The following CALN1 variants were observed in gnomAD, a reference collection of about 807,000 sequenced individuals.
CALN1 encodes the protein calneuron 1, also known as calcium-binding protein 8.
In CALN1, 17 loss-of-function variants were observed where a neutral mutation model predicts 30.6. The observed-to-expected ratio is 0.56, with a 90% CI of 0.38 to 0.83. The LOEUF (loss-of-function observed/expected upper bound fraction) is 0.83. Among genes scored for constraint, CALN1 ranks in the 40% least tolerant of loss-of-function variants. CALN1 has a pLI of 0.00. For synonymous variants in CALN1, 156 were observed against 131.4 expected, an observed-to-expected ratio of 1.19 and a Z score of -1.28; for missense variants, 291 against 354.9, an observed-to-expected ratio of 0.82 and a Z score of 1.45.
At chr7:72,002,070 A>G (rs1387863244) in intron 5 of CALN1, among the ~76,000 whole-genome samples, 1 of 152,214 alleles carries the variant, frequency 6.6e-6, no homozygotes, top group Non-Finnish European at 1.5e-5. Flanking sequence ...AAAATTCTAC[A>G]GCTAATGTGA....
chr7:71,984,269 G>C (rs983948735), intron 5 of CALN1, among the ~76,000 whole-genome samples: 1 of 152,176 alleles, frequency 6.6e-6, no homozygotes. Flanking sequence ...CCATTTAAAT[G>C]AGAAGGCCAA....
chr7:72,120,231 C>T (rs1388277954), intron 3 of CALN1, among the ~76,000 whole-genome samples: 3 of 152,152 alleles, frequency 2.0e-5, no homozygotes, highest in Non-Finnish European at 4.4e-5. Context: ...ATAACCATTA[C>T]TAACATATTA....
intron 2 of CALN1, among the ~76,000 whole-genome samples, chr7:72,379,898 C>T (rs1454590894): frequency 6.6e-6 from 1 of 152,184 alleles, no homozygotes; most frequent in Non-Finnish European, 1.5e-5. Flanking sequence ...TTGGAGACTG[C>T]TGGCATCACA....
chr7:72,123,014 T>G (rs1040879105), intron 3 of CALN1, among the ~76,000 whole-genome samples: 1 of 152,220 alleles, frequency 6.6e-6, no homozygotes, highest in African/African-American at 2.4e-5. Flanking sequence ...GGAGAGAGAC[T>G]GGGCTCAACT....
chr7:71,796,810 C>T (rs188048061), intron 6 of CALN1, among the ~76,000 whole-genome samples: 5 of 152,200 alleles, frequency 3.3e-5, no homozygotes, highest in East Asian at 1.9e-4. Flanking sequence ...GGGAATGAAA[C>T]GTGAGTTGAG....
intron 3 of CALN1, among the ~76,000 whole-genome samples, chr7:72,219,803 AG>A (rs1260087737): frequency 1.3e-5 from 2 of 152,096 alleles, no homozygotes; most frequent in African/African-American, 4.8e-5. Flanking sequence ...CTATGCAAAT[AG>A]GAGACATTTC....
At chr7:72,474,945 T>C in the CALN1 span, among the ~76,000 whole-genome samples, 1 of 152,190 alleles carries the variant, frequency 6.6e-6, no homozygotes, top group Non-Finnish European at 1.5e-5. Flanking sequence ...GGATTACTTC[T>C]GTGCTTACTT....
intron 3 of CALN1, among the ~76,000 whole-genome samples, chr7:72,249,563 A>G (rs1282545964): frequency 1.5e-5 from 2 of 132,182 alleles, no homozygotes; most frequent in East Asian, 2.0e-4. Context: ...AGCCTTTGGG[A>G]GGCTGAGGCA....
intron 3 of CALN1, among the ~76,000 whole-genome samples, chr7:72,229,068 T>G (rs1793896112): frequency 6.6e-6 from 1 of 151,600 alleles, no homozygotes; most frequent in Admixed American, 6.6e-5. Context: ...CCCAGCCCAT[T>G]TTTAATTATT....
the CALN1 span, among the ~76,000 whole-genome samples, chr7:72,496,870 C>T: frequency 6.6e-6 from 1 of 152,054 alleles, no homozygotes; most frequent in Non-Finnish European, 1.5e-5. Context: ...CAGAGCAAGA[C>T]TTATTAAGCT....
At chr7:71,794,316 G>C (rs925607609) in intron 6 of CALN1, among the ~76,000 whole-genome samples, 2 of 152,192 alleles carry the variant, frequency 1.3e-5, no homozygotes, top group Non-Finnish European at 2.9e-5. Flanking sequence ...ACAGAACTGC[G>C]ACCTGGCACT....
intron 3 of CALN1, among the ~76,000 whole-genome samples, chr7:72,165,611 C>T (rs1197964160): frequency 6.6e-6 from 1 of 151,922 alleles, no homozygotes; most frequent in African/African-American, 2.4e-5. Flanking sequence ...AACAAACAAA[C>T]AAGCAAACAA....
At chr7:72,361,214 G>A (rs1803549019) in intron 2 of CALN1, among the ~76,000 whole-genome samples, 1 of 152,012 alleles carries the variant, frequency 6.6e-6, no homozygotes, top group African/African-American at 2.4e-5. Flanking sequence ...CCAGCCCCAC[G>A]CCTGGAGACG....
At chr7:72,467,032 T>A in the CALN1 span, among the ~76,000 whole-genome samples, 8 of 152,028 alleles carry the variant, frequency 5.3e-5, no homozygotes, top group Admixed American at 1.3e-4. Context: ...CAAAGAGAAG[T>A]TAATCAGAAG....
At chr7:71,807,212 G>A (rs1443357809) in intron 6 of CALN1, among the ~76,000 whole-genome samples, 1 of 152,106 alleles carries the variant, frequency 6.6e-6, no homozygotes, top group African/African-American at 2.4e-5. Context: ...AATGCCAACG[G>A]GCCCCCGTTT....
At chr7:72,431,085 A>G (rs570207895) in intron 1 of CALN1, among the ~76,000 whole-genome samples, 17 of 147,240 alleles carry the variant, frequency 1.2e-4, no homozygotes, top group African/African-American at 4.3e-4. Context: ...CTGTGCCACC[A>G]CACCCGGCTA....
At chr7:71,998,983 G>A (rs993579834) in intron 5 of CALN1, among the ~76,000 whole-genome samples, 2 of 152,090 alleles carry the variant, frequency 1.3e-5, no homozygotes, top group African/African-American at 4.8e-5. Flanking sequence ...TAATAAAATG[G>A]TAGACTTACA....
chr7:71,925,916 C>T (rs960139235), intron 5 of CALN1, among the ~76,000 whole-genome samples: 1 of 152,166 alleles, frequency 6.6e-6, no homozygotes, highest in East Asian at 1.9e-4. Context: ...TGCAGTGGCG[C>T]AATCTCAGCT....
chr7:72,380,155 AAG>A (rs1313962565), intron 2 of CALN1, among the ~76,000 whole-genome samples: 2 of 152,178 alleles, frequency 1.3e-5, no homozygotes, highest in African/African-American at 2.4e-5. Context: ...TAGTCAGACA[AAG>A]AGAAGATTCC....
Sources: gnomAD v4.1 joint callset for allele counts (sites outside exome capture counted in the v4.1 genomes callset) on GRCh38, gnomAD v4.1.1 for gene constraint, MANE v1.5 for transcripts, NCBI Gene and HGNC (gene_info 2026-07-23, HGNC 2026-07-21) for gene names.